Variants in SLC25A21 observed in about 807,000 individuals in gnomAD.
The protein encoded by SLC25A21 is mitochondrial 2-oxodicarboxylate carrier.
In SLC25A21, 47 loss-of-function variants were observed where a neutral mutation model predicts 43.8. That is an observed-to-expected ratio of 1.07 (90% confidence interval 0.85 to 1.37). The LOEUF is 1.37. Ranked by LOEUF, SLC25A21 falls within the 40% of genes most tolerant of loss-of-function variation. SLC25A21 has a pLI of 0.00. For missense variants in SLC25A21, 352 were observed against 350.2 expected, an observed-to-expected ratio of 1.00 and a Z score of -0.04; for synonymous variants, 131 against 121.3, an observed-to-expected ratio of 1.08 and a Z score of -0.52.
intron 1 of SLC25A21, among the ~76,000 whole-genome samples, chr14:36,882,594 C>T (rs1257009853): frequency 6.6e-6 from 1 of 152,082 alleles, no homozygotes; most frequent in Non-Finnish European, 1.5e-5. Context: ...GAATAAATTA[C>T]ATCAAATACC....
At chr14:36,877,769 G>A (rs1179979) in intron 1 of SLC25A21, among the ~76,000 whole-genome samples, 124,902 of 151,808 alleles carry the variant, frequency 0.82, 52,523 homozygotes, top group Non-Finnish European at 0.92. Flanking sequence ...AAGCACTTGA[G>A]CATTACAGCA....
chr14:37,006,851 T>G (rs182820904), intron 1 of SLC25A21, among the ~76,000 whole-genome samples: 1 of 152,144 alleles, frequency 6.6e-6, no homozygotes, highest in Admixed American at 6.5e-5. Context: ...CAAGGGAAAC[T>G]CTGTTCTTTT....
At chr14:36,965,839 G>A (rs1256061993) in intron 1 of SLC25A21, among the ~76,000 whole-genome samples, 1 of 152,132 alleles carries the variant, frequency 6.6e-6, no homozygotes, top group Non-Finnish European at 1.5e-5. Flanking sequence ...TGAGATAAGA[G>A]CTTCATGGTT....
chr14:36,938,702 C>A (rs1039573211), intron 1 of SLC25A21, among the ~76,000 whole-genome samples: 9 of 151,952 alleles, frequency 5.9e-5, no homozygotes, highest in African/African-American at 1.7e-4. Flanking sequence ...ACAGGACCAA[C>A]CACAAAGAAT....
chr14:37,071,713 G>T (rs1019373162), intron 1 of SLC25A21, among the ~76,000 whole-genome samples: 3 of 152,158 alleles, frequency 2.0e-5, no homozygotes, highest in African/African-American at 7.2e-5. Context: ...CACCTGAATT[G>T]TATGTATAAG....
At chr14:37,157,098 T>C (rs887258329) in intron 1 of SLC25A21, among the ~76,000 whole-genome samples, 3 of 152,220 alleles carry the variant, frequency 2.0e-5, no homozygotes, top group African/African-American at 2.4e-5. Flanking sequence ...GGCTCATGCT[T>C]GTAATCCCAG....
chr14:36,983,183 C>G (rs867530911), intron 1 of SLC25A21, among the ~76,000 whole-genome samples: 121 of 152,282 alleles, frequency 7.9e-4, no homozygotes, highest in African/African-American at 2.8e-3. Context: ...TAAAGATGTT[C>G]TAGATAGCAT....
chr14:36,715,796 A>T (rs1005004860), intron 6 of SLC25A21, among the ~76,000 whole-genome samples: 2 of 152,250 alleles, frequency 1.3e-5, no homozygotes, highest in African/African-American at 4.8e-5. Context: ...AGGTTTAATT[A>T]AAAAAGCAGA....
At chr14:36,963,879 C>A (rs4906514) in intron 1 of SLC25A21, among the ~76,000 whole-genome samples, 12,585 of 152,204 alleles carry the variant, frequency 0.083, 674 homozygotes, top group South Asian at 0.15. Flanking sequence ...AAGAATGGTT[C>A]TTCCTGTCTA....
chr14:36,795,559 T>C (rs1455751551), intron 3 of SLC25A21, among the ~76,000 whole-genome samples: 2 of 152,180 alleles, frequency 1.3e-5, no homozygotes, highest in African/African-American at 4.8e-5. Context: ...GAAGGATGGA[T>C]TTATAAAAGG....
chr14:36,797,454 A>C (rs1396216887), intron 3 of SLC25A21, among the ~76,000 whole-genome samples: 1 of 152,224 alleles, frequency 6.6e-6, no homozygotes, highest in Admixed American at 6.5e-5. Flanking sequence ...TTTTTTAAAA[A>C]GCAGCAAAAC....
intron 3 of SLC25A21, among the ~76,000 whole-genome samples, chr14:36,787,089 T>C (rs1887279229): frequency 6.6e-6 from 1 of 152,338 alleles, no homozygotes; most frequent in East Asian, 1.9e-4. Flanking sequence ...TTTAACATTT[T>C]TGCAGTGGCC....
intron 1 of SLC25A21, among the ~76,000 whole-genome samples, chr14:37,161,924 A>G (rs1241761772): frequency 1.0e-4 from 14 of 138,776 alleles, no homozygotes; most frequent in East Asian, 7.2e-4. Flanking sequence ...GATCGCCTCA[A>G]TGCACTCCGG....
intron 2 of SLC25A21, chr14:36,828,279 G>A (rs1261705749): frequency 5.3e-5 from 8 of 152,068 alleles, no homozygotes; most frequent in African/African-American, 9.7e-5. Context: ...GGATACTCCC[G>A]GCTCCCTGTA....
At chr14:36,853,579 GCT>G (rs551655101) in intron 2 of SLC25A21, among the ~76,000 whole-genome samples, 121 of 152,262 alleles carry the variant, frequency 7.9e-4, no homozygotes, top group African/African-American at 2.8e-3. Context: ...TGGCCTGGCT[GCT>G]CTCTCACACC....
intron 2 of SLC25A21, among the ~76,000 whole-genome samples, chr14:36,841,089 T>C (rs933206205): frequency 8.5e-5 from 13 of 152,350 alleles, no homozygotes; most frequent in South Asian, 4.1e-4. Context: ...TCAACCCAGA[T>C]AGCCTTGAGT....
intron 7 of SLC25A21, among the ~76,000 whole-genome samples, chr14:36,696,221 C>T (rs1011362826): frequency 1.3e-5 from 2 of 152,132 alleles, no homozygotes; most frequent in African/African-American, 2.4e-5. Flanking sequence ...TATTGATTTG[C>T]ATATGTTGAA....
At chr14:37,134,408 A>T (rs1963442170) in intron 1 of SLC25A21, among the ~76,000 whole-genome samples, 1 of 152,206 alleles carries the variant, frequency 6.6e-6, no homozygotes, top group Non-Finnish European at 1.5e-5. Context: ...TTATTACTAG[A>T]AATCAAGTAT....
At chr14:36,883,877 A>C (rs1280804412) in intron 1 of SLC25A21, among the ~76,000 whole-genome samples, 1 of 152,114 alleles carries the variant, frequency 6.6e-6, no homozygotes, top group East Asian at 1.9e-4. Flanking sequence ...TATGGGGTAC[A>C]ATGTGATGTT....
Sources: gnomAD v4.1 joint callset for allele counts (sites outside exome capture counted in the v4.1 genomes callset) on GRCh38, gnomAD v4.1.1 for gene constraint, MANE v1.5 for transcripts, NCBI Gene and HGNC (gene_info 2026-07-23, HGNC 2026-07-21) for gene names.